The following PSD3 variants were observed in gnomAD, a reference collection of about 807,000 sequenced individuals.
PSD3 encodes PH and SEC7 domain-containing protein 3.
In PSD3, 49 loss-of-function variants were observed where a neutral mutation model predicts 105.5. That is an observed-to-expected ratio of 0.46 (90% CI 0.37 to 0.59). The LOEUF (loss-of-function observed/expected upper bound fraction) is 0.59, where lower values mean the gene tolerates loss of function less well. PSD3 is among the 20% of genes least tolerant of loss of function. The pLI, the probability that PSD3 is intolerant of heterozygous loss-of-function variation, is 0.00. For synonymous variants in PSD3, 557 were observed against 457.8 expected (o/e 1.22, Z -2.77); for missense variants, 1,561 against 1,263.8 (o/e 1.24, Z -3.57).
chr8:19,071,345 T>C (rs1423695837), intron 1 of PSD3, among the ~76,000 whole-genome samples: 2 of 152,034 alleles, frequency 1.3e-5, no homozygotes, highest in African/African-American at 4.8e-5. Context: ...TTTTATTCTT[T>C]ATTTCTTAAT....
At chr8:18,583,616 G>A (rs1802962614) in intron 12 of PSD3, among the ~76,000 whole-genome samples, 1 of 152,128 alleles carries the variant, frequency 6.6e-6, no homozygotes, top group African/African-American at 2.4e-5. Flanking sequence ...TTGTCTCTGA[G>A]TTCCCTTATA....
chr8:18,741,741 C>T lies in PSD3; in HGVS notation c.2172+23708G>A, dbSNP rs187415804. 1.4e-3 allele frequency among the ~76,000 whole-genome samples: 215 copies of T among 149,178 alleles called. 2 individuals are homozygous for T. The highest frequency in any genetic ancestry group is 1.9e-3 in the Non-Finnish European group (132 of 67,746). On this transcript the variant is annotated intron_variant, in intron 9 of 15. Coordinates refer to ENST00000327040, the MANE Select transcript of PSD3 (RefSeq NM_015310.4). The stretch of plus-strand genomic sequence containing the variant: ...CCTCTCCCACCTACTTTAAGCTCTC[C>T]AGAGACTGTGATACAACAATATGGG...
chr8:18,761,194 G>T (rs1333549720), intron 9 of PSD3, among the ~76,000 whole-genome samples: 1 of 152,150 alleles, frequency 6.6e-6, no homozygotes, highest in Non-Finnish European at 1.5e-5. Flanking sequence ...AAAGGTAAGG[G>T]TTAAGCAAGA....
At chr8:18,953,330 G>GTGTA (rs1823362819) in intron 1 of PSD3, among the ~76,000 whole-genome samples, 2 of 152,294 alleles carry the variant, frequency 1.3e-5, no homozygotes, top group South Asian at 4.1e-4. Flanking sequence ...GTGTGTGTGT[G>GTGTA]TGTATGTACA....
intron 4 of PSD3, among the ~76,000 whole-genome samples, chr8:18,857,781 T>C (rs1399258538): frequency 2.6e-5 from 4 of 152,156 alleles, no homozygotes; most frequent in African/African-American, 9.7e-5. Flanking sequence ...AAGTGAATGC[T>C]GTTGGGTGGC....
At chr8:18,741,646 C>G (rs1197407390) in intron 9 of PSD3, among the ~76,000 whole-genome samples, 1 of 152,116 alleles carries the variant, frequency 6.6e-6, no homozygotes, top group Admixed American at 6.5e-5. Context: ...CTTTGAAATG[C>G]AGTATTTTAA....
At chr8:18,984,791 G>A (rs1291333741) in intron 1 of PSD3, among the ~76,000 whole-genome samples, 1 of 152,146 alleles carries the variant, frequency 6.6e-6, no homozygotes, top group African/African-American at 2.4e-5. Flanking sequence ...CCTGACTGTG[G>A]GGTAGTACGG....
intron 1 of PSD3, among the ~76,000 whole-genome samples, chr8:19,042,454 G>T (rs1230385802): frequency 2.0e-5 from 3 of 152,146 alleles, no homozygotes; most frequent in Non-Finnish European, 2.9e-5. Context: ...TAAAGAAAAT[G>T]ATATGTAACA....
At chr8:18,774,309 A>G (rs1807824816) in intron 8 of PSD3, among the ~76,000 whole-genome samples, 1 of 152,232 alleles carries the variant, frequency 6.6e-6, no homozygotes, top group African/African-American at 2.4e-5. Context: ...TATATATCGT[A>G]TAATGATCAG....
intron 11 of PSD3, among the ~76,000 whole-genome samples, chr8:18,610,304 A>C (rs1805161367): frequency 6.6e-6 from 1 of 152,188 alleles, no homozygotes; most frequent in Admixed American, 6.5e-5. Context: ...AGGAGTATGC[A>C]CCTGTAACAA....
intron 12 of PSD3, among the ~76,000 whole-genome samples, chr8:18,592,271 G>T (rs548839642): frequency 6.6e-6 from 1 of 152,148 alleles, no homozygotes; most frequent in South Asian, 2.1e-4. Flanking sequence ...CTCAAGAGCA[G>T]AAAACAAAGA....
At chr8:18,727,551 A>AAT (rs1554482121) in intron 9 of PSD3, among the ~76,000 whole-genome samples, 1 of 137,628 alleles carries the variant, frequency 7.3e-6, no homozygotes, top group Non-Finnish European at 1.5e-5. Context: ...AAAAAATCCA[A>AAT]ACACACACAC....
chr8:18,729,977 T>C (rs1292074983), intron 9 of PSD3, among the ~76,000 whole-genome samples: 2 of 152,152 alleles, frequency 1.3e-5, no homozygotes, highest in African/African-American at 2.4e-5. Context: ...CTACATTCCA[T>C]AAAGACTGGA....
intron 11 of PSD3, among the ~76,000 whole-genome samples, chr8:18,625,706 T>G (rs2130735885): frequency 6.6e-6 from 1 of 152,326 alleles, no homozygotes; most frequent in South Asian, 2.1e-4. Flanking sequence ...CAGATTTTTG[T>G]TCCACCAGAT....
chr8:18,605,632 G>A (rs981911799), intron 11 of PSD3, among the ~76,000 whole-genome samples: 1 of 152,142 alleles, frequency 6.6e-6, no homozygotes, highest in Non-Finnish European at 1.5e-5. Flanking sequence ...GGAGGGGCCT[G>A]GGGCGGAATG....
At chr8:18,932,346 C>A (rs1438562674) in intron 2 of PSD3, among the ~76,000 whole-genome samples, 1 of 152,194 alleles carries the variant, frequency 6.6e-6, no homozygotes, top group Non-Finnish European at 1.5e-5. Flanking sequence ...TGCCAGCCCA[C>A]AGACAGCTGT....
At chr8:18,644,670 C>T (rs1342923244) in intron 10 of PSD3, among the ~76,000 whole-genome samples, 1 of 152,174 alleles carries the variant, frequency 6.6e-6, no homozygotes, top group African/African-American at 2.4e-5. Flanking sequence ...CCGTTTGCAG[C>T]AGTCTAGGCT....
intron 12 of PSD3, among the ~76,000 whole-genome samples, chr8:18,596,918 C>T (rs1162386143): frequency 6.6e-6 from 1 of 152,150 alleles, no homozygotes; most frequent in Non-Finnish European, 1.5e-5. Flanking sequence ...GCCAATCATT[C>T]TCAAACTGTT....
At chr8:18,980,970 C>A (rs1825220960) in intron 1 of PSD3, among the ~76,000 whole-genome samples, 1 of 152,174 alleles carries the variant, frequency 6.6e-6, no homozygotes, top group African/African-American at 2.4e-5. Context: ...TCTCCTCACA[C>A]CCTCTTCCCA....
Sources: allele counts gnomAD v4.1 joint callset (sites outside exome capture counted in the v4.1 genomes callset), GRCh38; gene constraint gnomAD v4.1.1; transcripts MANE v1.5; gene names NCBI Gene and HGNC (gene_info 2026-07-23, HGNC 2026-07-21).